The following SND1 variants were observed in gnomAD, a reference collection of about 807,000 sequenced individuals.
SND1 encodes the protein staphylococcal nuclease and tudor domain containing 1.
In SND1, 38 loss-of-function variants were observed where a neutral mutation model predicts 121.7. That is an observed-to-expected ratio of 0.31 (90% CI 0.24 to 0.41). The LOEUF (loss-of-function observed/expected upper bound fraction) is 0.41, where lower values mean the gene tolerates loss of function less well. Ranked by LOEUF, SND1 falls within the 10% of genes least tolerant of loss-of-function variation. SND1 has a pLI of 1.00. For missense variants in SND1, 868 were observed against 1,184.6 expected (o/e 0.73, Z 3.92); for synonymous variants, 401 against 447.4 (o/e 0.90, Z 1.31).
intron 15 of SND1, among the ~76,000 whole-genome samples, chr7:127,990,732 C>T (rs1802502997): frequency 6.6e-6 from 1 of 152,196 alleles, no homozygotes; most frequent in Non-Finnish European, 1.5e-5. Context: ...AGCTCCTATC[C>T]ATTGGTGCTG....
At chr7:127,948,429 T>A (rs1417868324) in intron 15 of SND1, among the ~76,000 whole-genome samples, 1 of 152,212 alleles carries the variant, frequency 6.6e-6, no homozygotes, top group Non-Finnish European at 1.5e-5. Flanking sequence ...ATCAGTAAAT[T>A]GAGTTGATTA....
chr7:127,866,978 T>C (rs1365048271), intron 12 of SND1, among the ~76,000 whole-genome samples: 1 of 152,240 alleles, frequency 6.6e-6, no homozygotes, highest in Non-Finnish European at 1.5e-5. Context: ...CCAGTTCTTT[T>C]GTTCTCCTTG....
At chr7:128,043,568 T>C (rs1024044807) in intron 16 of SND1, among the ~76,000 whole-genome samples, 18 of 151,308 alleles carry the variant, frequency 1.2e-4, no homozygotes, top group African/African-American at 4.4e-4. Flanking sequence ...GGAGACTCCA[T>C]CTCAAAAAAT....
Position 128,030,574 on chromosome 7 carries a change from A to G in SND1, c.1779+39518A>G, listed in dbSNP as rs1183352557. 3.7e-6 allele frequency: 6 copies of G among 1,608,356 alleles called. No homozygotes were observed. Among genetic ancestry groups the G allele is most frequent in the Non-Finnish European group, 4.3e-6 (5 of 1,176,046 alleles). The stretch of plus-strand genomic sequence containing the variant: ...AGAATCCACACTTGCGCCGTGAGGT[A>G]GACGAACGGGAGCAGGATGGCATTC... On this transcript the variant is annotated intron_variant, in intron 16 of 23. Coordinates refer to ENST00000354725, the MANE Select transcript of SND1 (RefSeq NM_014390.4).
At chr7:127,852,188 A>G (rs1385038711) in intron 12 of SND1, among the ~76,000 whole-genome samples, 1 of 151,386 alleles carries the variant, frequency 6.6e-6, no homozygotes, top group Non-Finnish European at 1.5e-5. Flanking sequence ...TAAATAAAAT[A>G]AAATAAAATA....
intron 1 of SND1, among the ~76,000 whole-genome samples, chr7:127,682,139 A>G (rs938976950): frequency 6.6e-6 from 1 of 152,176 alleles, no homozygotes; most frequent in African/African-American, 2.4e-5. Context: ...AAATAGTTAA[A>G]CAAACCAAGT....
chr7:127,676,306 C>T (rs527481098), intron 1 of SND1, among the ~76,000 whole-genome samples: 1 of 152,254 alleles, frequency 6.6e-6, no homozygotes, highest in East Asian at 1.9e-4. Flanking sequence ...GTTCCTTTAA[C>T]ATTTATTGAG....
intron 12 of SND1, among the ~76,000 whole-genome samples, chr7:127,873,472 C>T (rs1421077403): frequency 1.3e-5 from 2 of 152,012 alleles, no homozygotes; most frequent in African/African-American, 2.4e-5. Context: ...AGGGCAAGAC[C>T]GAGAAGAGAA....
rs1802333673 is a variant in SND1 at position 127,984,271 on chromosome 7, A to C, written c.1670-6676A>C. Among the ~76,000 whole-genome samples the C allele has an allele frequency of 2.6e-5, 4 of 152,356 alleles. No individual in the cohort carries two copies. The South Asian group carries it at 8.3e-4, about 32-fold the overall frequency. ...TCAGGTCTCTCTGACATAGCTGGTCAGTGTTGACCACTTCAACTCTGTAGT... is the reference window on the plus strand; with the variant it reads ...TCAGGTCTCTCTGACATAGCTGGTCCGTGTTGACCACTTCAACTCTGTAGT... On this transcript the variant is annotated intron_variant, in intron 15 of 23. Transcript: ENST00000354725.
chr7:127,884,580 G>A (rs1022910126), intron 12 of SND1, among the ~76,000 whole-genome samples: 3 of 151,724 alleles, frequency 2.0e-5, no homozygotes. Context: ...AAACTCTTTG[G>A]AACAGGCCCG....
intron 1 of SND1, among the ~76,000 whole-genome samples, chr7:127,662,215 A>G (rs1292015016): frequency 6.6e-6 from 1 of 152,168 alleles, no homozygotes; most frequent in Non-Finnish European, 1.5e-5. Flanking sequence ...TTTGCTTCCA[A>G]AATGTTTCAT....
chr7:127,769,374 A>G (rs1797474735), intron 10 of SND1, among the ~76,000 whole-genome samples: 1 of 152,200 alleles, frequency 6.6e-6, no homozygotes, highest in South Asian at 2.1e-4. Context: ...GCAGGATGTA[A>G]ACATGTTTGC....
At chr7:127,858,282 A>T in intron 12 of SND1, 1 of 835,066 alleles carries the variant, frequency 1.2e-6, no homozygotes, top group Non-Finnish European at 2.0e-6. Flanking sequence ...CGGTCCGGGC[A>T]CTGCGGGGAA....
At chr7:127,742,289 C>T (rs952821514) in intron 10 of SND1, among the ~76,000 whole-genome samples, 1 of 152,134 alleles carries the variant, frequency 6.6e-6, no homozygotes, top group Non-Finnish European at 1.5e-5. Context: ...GGGTATTTCT[C>T]ATTTTCCATT....
At chr7:127,671,315 G>A (rs1795514005) in intron 1 of SND1, among the ~76,000 whole-genome samples, 1 of 152,146 alleles carries the variant, frequency 6.6e-6, no homozygotes, top group Non-Finnish European at 1.5e-5. Flanking sequence ...GTCCCTAACT[G>A]CCTTATCATC....
At chr7:127,740,700 G>T (rs1796866276) in intron 10 of SND1, among the ~76,000 whole-genome samples, 1 of 152,172 alleles carries the variant, frequency 6.6e-6, no homozygotes, top group African/African-American at 2.4e-5. Flanking sequence ...TGGTCTAGTA[G>T]CTTTTCTTCC....
At chr7:127,767,858 A>G (rs561932362) in intron 10 of SND1, among the ~76,000 whole-genome samples, 85 of 152,320 alleles carry the variant, frequency 5.6e-4, no homozygotes, top group Non-Finnish European at 1.0e-3. Flanking sequence ...ATGGTATATC[A>G]GTACGCATGT....
chr7:127,923,570 T>C (rs1199975982), intron 14 of SND1, among the ~76,000 whole-genome samples: 2 of 152,206 alleles, frequency 1.3e-5, no homozygotes, highest in Non-Finnish European at 2.9e-5. Context: ...ATGATCATGC[T>C]GTATAACTGG....
intron 10 of SND1, among the ~76,000 whole-genome samples, chr7:127,740,012 C>A (rs1796850792): frequency 6.6e-6 from 1 of 152,194 alleles, no homozygotes; most frequent in Non-Finnish European, 1.5e-5. Flanking sequence ...TTTCTTATTG[C>A]CAGCATAAAC....
Sources: allele counts gnomAD v4.1 joint callset (sites outside exome capture counted in the v4.1 genomes callset), GRCh38; gene constraint gnomAD v4.1.1; transcripts MANE v1.5; gene names NCBI Gene and HGNC (gene_info 2026-07-23, HGNC 2026-07-21).